The following ZNF469 variants were observed in gnomAD, a reference collection of about 807,000 sequenced individuals.
The protein encoded by ZNF469 is zinc finger protein 469.
In ZNF469, 1 loss-of-function variant was observed where a neutral mutation model predicts 1.0. That is an observed-to-expected ratio of 1.00 (90% CI 0.35 to 4.73). The LOEUF is 4.73. Among genes scored for constraint, ZNF469 ranks in the 30% most tolerant of loss-of-function variants. The pLI, the probability that ZNF469 is intolerant of heterozygous loss-of-function variation, is 0.16. For synonymous variants in ZNF469, 2,703 were observed against 2,363.4 expected, an observed-to-expected ratio of 1.14 and a Z score of -4.17; for missense variants, 6,100 against 5,356.3, an observed-to-expected ratio of 1.14 and a Z score of -4.33.
chr16:88,208,793 ACACACACACACTCTCT>A, the ZNF469 span, among the ~76,000 whole-genome samples: 23 of 38,850 alleles, frequency 5.9e-4, no homozygotes, highest in African/African-American at 1.2e-3. Flanking sequence ...ACACACACAC[ACACACACACACTCTCT>A]CTCTCTCTCT....
At chr16:88,328,687 G>A in the ZNF469 span, among the ~76,000 whole-genome samples, 10 of 152,278 alleles carry the variant, frequency 6.6e-5, no homozygotes, top group Admixed American at 4.6e-4. Flanking sequence ...ACCCTCAAGC[G>A]TTCCAGCCGG....
chr16:88,164,050 T>C, the ZNF469 span, among the ~76,000 whole-genome samples: 3 of 150,304 alleles, frequency 2.0e-5, no homozygotes, highest in African/African-American at 7.4e-5. Context: ...AATGGATAAG[T>C]GGGTGGATGG....
the ZNF469 span, among the ~76,000 whole-genome samples, chr16:88,182,565 A>G: frequency 3.3e-5 from 5 of 152,080 alleles, no homozygotes; most frequent in South Asian, 8.3e-4. Flanking sequence ...AACAAAATAG[A>G]GTCTTGGAAA....
At chr16:88,359,646 G>C in the ZNF469 span, among the ~76,000 whole-genome samples, 3 of 152,166 alleles carry the variant, frequency 2.0e-5, no homozygotes, top group South Asian at 4.1e-4. Context: ...ATTGATTTTA[G>C]AAGTATTGAA....
At chr16:88,355,395 G>C in the ZNF469 span, among the ~76,000 whole-genome samples, 1 of 152,186 alleles carries the variant, frequency 6.6e-6, no homozygotes, top group Non-Finnish European at 1.5e-5. Context: ...TACCCTCCCC[G>C]TCCCGCCACC....
chr16:88,332,851 G>T, the ZNF469 span, among the ~76,000 whole-genome samples: 2 of 152,204 alleles, frequency 1.3e-5, no homozygotes, highest in African/African-American at 4.8e-5. Context: ...TTTCACAGAC[G>T]AGAAGACCAA....
the ZNF469 span, among the ~76,000 whole-genome samples, chr16:88,139,802 G>A: frequency 2.6e-5 from 4 of 152,152 alleles, no homozygotes; most frequent in African/African-American, 9.7e-5. Flanking sequence ...AGACCTTCTC[G>A]ACACCTGAGT....
chr16:88,380,799 C>CACAG (rs2092520600), upstream of ZNF469, among the ~76,000 whole-genome samples: 1 of 148,426 alleles, frequency 6.7e-6, no homozygotes, highest in Admixed American at 6.7e-5. Context: ...CATGCACTCA[C>CACAG]ACATGCACAC....
At chr16:88,365,098 G>A in the ZNF469 span, among the ~76,000 whole-genome samples, 1 of 152,170 alleles carries the variant, frequency 6.6e-6, no homozygotes, top group Non-Finnish European at 1.5e-5. Flanking sequence ...TTGCATGTGG[G>A]GAAAATGAAA....
the ZNF469 span, among the ~76,000 whole-genome samples, chr16:88,368,069 C>G: frequency 6.6e-6 from 1 of 152,228 alleles, no homozygotes; most frequent in African/African-American, 2.4e-5. Flanking sequence ...GACTTGCCTT[C>G]GCATAATAGC....
chr16:88,428,168 A>C lies in ZNF469; in HGVS notation c.698A>C (p.Asp233Ala). ...CCCGAATACCAGGCCAGTGGGGCCGACTCCTGGCCTCCCGCTGCTGAGAAT... is the reference window on the plus strand; with the variant it reads ...CCCGAATACCAGGCCAGTGGGGCCGCCTCCTGGCCTCCCGCTGCTGAGAAT... ...SYPEYQASGADSWPPAAENSF... is the reference protein window; with the variant it reads ...SYPEYQASGAASWPPAAENSF... The change falls in exon 3 of 3, where the codon GAC becomes GCC. Residue 233 changes from aspartate (D) to alanine (A), a missense_variant. Coordinates refer to ENST00000565624, the MANE Select transcript of ZNF469 (RefSeq NM_001367624.2). 1 of 1,549,046 alleles carries C rather than the reference A, an allele frequency of 6.5e-7. No individual in the cohort carries two copies. Among genetic ancestry groups the C allele is most frequent in the Non-Finnish European group, 8.7e-7 (1 of 1,146,534 alleles).
chr16:88,428,678 A>G lies in ZNF469; in HGVS notation c.1208A>G (p.Gln403Arg), dbSNP rs560397272. 4 of 1,549,824 alleles carry G rather than the reference A, an allele frequency of 2.6e-6. No homozygotes were observed. The highest frequency in any genetic ancestry group is 1.4e-5 in the African/African-American group (1 of 73,136). Reference sequence around the variant, plus strand: ...AGAGGGCCCCCTAGCTCCCTACCCCAGAGGCACTTTCCAGGGCAGGCGTAC... The same window carrying G: ...AGAGGGCCCCCTAGCTCCCTACCCCGGAGGCACTTTCCAGGGCAGGCGTAC... Reference protein sequence around the residue: ...STRGPPSSLPQRHFPGQAYRA... With the variant: ...STRGPPSSLPRRHFPGQAYRA... The change falls in exon 3 of 3, where the codon CAG becomes CGG. Residue 403 changes from glutamine (Q) to arginine (R), a missense_variant. Coordinates refer to ENST00000565624, the MANE Select transcript of ZNF469 (RefSeq NM_001367624.2).
the ZNF469 span, among the ~76,000 whole-genome samples, chr16:88,300,470 G>A: frequency 6.6e-6 from 1 of 151,872 alleles, no homozygotes; most frequent in African/African-American, 2.4e-5. Flanking sequence ...CCAGGGCCCC[G>A]ACACTGCTCA....
chr16:88,309,436 G>A, the ZNF469 span, among the ~76,000 whole-genome samples: 1 of 151,768 alleles, frequency 6.6e-6, no homozygotes, highest in Admixed American at 6.6e-5. Context: ...CCCTCTCGGT[G>A]TTCAGGACAC....
upstream of ZNF469, among the ~76,000 whole-genome samples, chr16:88,379,096 C>G (rs543116342): frequency 7.2e-5 from 11 of 152,202 alleles, no homozygotes; most frequent in Non-Finnish European, 8.8e-5. Context: ...GCGCTGGTTA[C>G]TCGGTTTCAT....
chr16:88,145,360 T>TC, the ZNF469 span, among the ~76,000 whole-genome samples: 3 of 151,830 alleles, frequency 2.0e-5, no homozygotes, highest in Non-Finnish European at 4.4e-5. Context: ...CTATCTCTGC[T>TC]CCCCCCACCT....
At chr16:88,347,961 C>T in the ZNF469 span, among the ~76,000 whole-genome samples, 4 of 152,214 alleles carry the variant, frequency 2.6e-5, no homozygotes, top group Non-Finnish European at 5.9e-5. Flanking sequence ...CAGAGAGCTC[C>T]GCCAGGTGTC....
the ZNF469 span, among the ~76,000 whole-genome samples, chr16:88,221,519 G>C: frequency 6.6e-6 from 1 of 152,226 alleles, no homozygotes. Flanking sequence ...GAAGCCTTCT[G>C]AGCGCTTCCT....
chr16:88,128,816 T>C, the ZNF469 span, among the ~76,000 whole-genome samples: 1 of 152,234 alleles, frequency 6.6e-6, no homozygotes, highest in Non-Finnish European at 1.5e-5. Context: ...CCAGGGGCTC[T>C]GCTCACCTGG....
Sources: gnomAD v4.1 joint callset for allele counts (sites outside exome capture counted in the v4.1 genomes callset) on GRCh38, gnomAD v4.1.1 for gene constraint, MANE v1.5 for transcripts, NCBI Gene and HGNC (gene_info 2026-07-23, HGNC 2026-07-21) for gene names.